DNAH2: variants seen among roughly 807,000 people sequenced by gnomAD.
DNAH2 encodes dynein axonemal heavy chain 2, also known as axonemal beta dynein heavy chain 2.
A neutral mutation model predicts 523.5 loss-of-function variants in DNAH2; 323 were observed. That is an observed-to-expected ratio of 0.62 (90% confidence interval 0.56 to 0.68). The LOEUF is 0.68. DNAH2 is among the 30% of genes least tolerant of loss of function. The pLI is 0.00. For synonymous variants in DNAH2, 2,093 were observed against 2,177.4 expected, an observed-to-expected ratio of 0.96 and a Z score of 1.08; for missense variants, 4,907 against 5,701.5, an observed-to-expected ratio of 0.86 and a Z score of 4.49.
In DNAH2 at chr17:7,759,144, G is replaced by A; in HGVS notation, c.2448+20G>A. The A allele has an allele frequency of 2.5e-6, 4 of 1,611,628 alleles. No individual in the cohort carries two copies. The highest frequency in any genetic ancestry group is 3.4e-6 in the Non-Finnish European group (4 of 1,178,676). On this transcript the variant is annotated intron_variant, in intron 15 of 85. Transcript: ENST00000572933. ...CCTGAGGTAGGGTTCCTGTGGCCAGGATGTTGTGGTTGGAAAAACCACAGT... is the reference window on the plus strand; with the variant it reads ...CCTGAGGTAGGGTTCCTGTGGCCAGAATGTTGTGGTTGGAAAAACCACAGT...
At chr17:7,808,142 A>G (rs1056490008) in intron 63 of DNAH2, among the ~76,000 whole-genome samples, 1 of 152,108 alleles carries the variant, frequency 6.6e-6, no homozygotes, top group African/African-American at 2.4e-5. Context: ...AGGCCGAGGT[A>G]GGTGGACCAC....
At chr17:7,751,116 GTTATTTAT>G (rs141014293) in intron 12 of DNAH2, among the ~76,000 whole-genome samples, 24 of 150,346 alleles carry the variant, frequency 1.6e-4, no homozygotes, top group Non-Finnish European at 2.2e-4. Context: ...AAAAAATCAA[GTTATTTAT>G]TTATTTATTT....
chr17:7,814,909 G>A (rs2077617425), intron 63 of DNAH2, among the ~76,000 whole-genome samples: 1 of 152,222 alleles, frequency 6.6e-6, no homozygotes. Flanking sequence ...TGTGGGAAAG[G>A]TGGTCTAGAT....
At chr17:7,802,601 T>C (rs955435241) in intron 58 of DNAH2, among the ~76,000 whole-genome samples, 3 of 152,212 alleles carry the variant, frequency 2.0e-5, no homozygotes, top group African/African-American at 7.2e-5. Flanking sequence ...TTATACTGTA[T>C]TGTTTAGGGA....
intron 63 of DNAH2, among the ~76,000 whole-genome samples, chr17:7,810,013 C>T (rs1031336857): frequency 6.7e-6 from 1 of 149,490 alleles, no homozygotes; most frequent in African/African-American, 2.5e-5. Context: ...CCTTCCTTCC[C>T]TCCCTCCCTT....
In DNAH2 at chr17:7,786,827, C is replaced by T. The variant is rs2151260618; in HGVS notation, c.6467-70C>T. The T allele has an allele frequency of 6.2e-7, 1 of 1,608,934 alleles. No homozygotes were observed. The highest frequency in any genetic ancestry group is 8.5e-7 in the Non-Finnish European group (1 of 1,176,268). On this transcript the variant is annotated intron_variant, in intron 41 of 85. Transcript: ENST00000572933. The surrounding 1 kb of genome is among the most constrained non-coding windows in gnomAD (Gnocchi z 7.5). Reference sequence around the variant, plus strand: ...TACAAGGGAGTGTAGGCTTGTGTCTCCGAGGAGCGTGAGCGGAGGGTGCAA... The same window carrying T: ...TACAAGGGAGTGTAGGCTTGTGTCTTCGAGGAGCGTGAGCGGAGGGTGCAA...
Position 7,832,613 on chromosome 17 carries a change from C to A in DNAH2, c.12761C>A (p.Thr4254Asn). Residue 4254 changes from threonine (T) to asparagine (N), a missense_variant, in exon 83 of 86, where the codon ACC becomes AAC. This residue lies in a region of DNAH2 where 1,851 missense variants were observed against 2,139.4 expected (regional missense o/e 0.87). Transcript: ENST00000572933. This position sits in a 1 kb window ranked among gnomAD's most constrained non-coding sequence, Gnocchi z 4.3. ...TCACAAAAGCCATTGGCTGCCTGGACCCGGGACTTGGCCATGCGTGTGGAG... is the reference window on the plus strand; with the variant it reads ...TCACAAAAGCCATTGGCTGCCTGGAACCGGGACTTGGCCATGCGTGTGGAG... ...YPSQKPLAAW[T>N]RDLAMRVEQF... is the part of the protein sequence containing the mutation. 1 of 1,614,180 alleles carries A rather than the reference C, an allele frequency of 6.2e-7. No individual in the cohort carries two copies. Among genetic ancestry groups the A allele is most frequent in the Non-Finnish European group, 8.5e-7 (1 of 1,180,038 alleles).
rs753580038 is a variant in DNAH2, at chr17:7,786,663, A to G, written c.6442A>G (p.Ser2148Gly). The change falls in exon 41 of 86, where the codon AGT (serine) becomes GGT (glycine). Residue 2148 changes from serine (S) to glycine (G), a missense_variant. Ser to Gly is a moderately conservative substitution (Grantham distance 56). Coordinates refer to ENST00000572933, the MANE Select transcript of DNAH2 (RefSeq NM_020877.5). The surrounding 1 kb of genome is among the most constrained non-coding windows in gnomAD (Gnocchi z 7.5). The part of the protein sequence containing the change: ...TNEWTDGILS[S>G]VMRTACADEK... The stretch of plus-strand genomic sequence containing the variant: ...TGAATGGACAGATGGCATCTTGTCC[A>G]GTGTCATGCGGACGGCATGTGCAGG... The G allele has an allele frequency of 1.2e-6, 2 of 1,614,042 alleles. No individual in the cohort carries two copies. The highest frequency in any genetic ancestry group is 2.7e-5 in the African/African-American group (2 of 75,034).
intron 24 of DNAH2, among the ~76,000 whole-genome samples, chr17:7,769,142 C>T (rs1306827857): frequency 1.3e-5 from 2 of 152,172 alleles, no homozygotes; most frequent in Non-Finnish European, 2.9e-5. Flanking sequence ...TCTATCATGA[C>T]TAAGTCTTAT....
At chr17:7,764,533 C>T (rs1476226656) in intron 20 of DNAH2, among the ~76,000 whole-genome samples, 2 of 149,964 alleles carry the variant, frequency 1.3e-5, no homozygotes, top group South Asian at 2.1e-4. Context: ...CGATCTTGGC[C>T]TACTGCAACC....
chr17:7,738,077 G>T (rs757053437), intron 8 of DNAH2: 33 of 703,416 alleles, frequency 4.7e-5, no homozygotes, highest in Non-Finnish European at 8.0e-5. Context: ...CTGTTGTCAC[G>T]CTTGGAAAGA....
At chr17:7,818,214 A>G in intron 68 of DNAH2, 98 bp from the exon 69 acceptor site, 2 of 1,595,804 alleles carry the variant, frequency 1.3e-6, no homozygotes, top group South Asian at 1.1e-5. Flanking sequence ...CTGGGGCCTT[A>G]GGACAGGCTG....
rs1478332683 is a variant in DNAH2 at position 7,794,195 on chromosome 17, G to A, written c.7570-59G>A. On this transcript the variant is annotated intron_variant, in intron 48 of 85. Transcript: ENST00000572933. ...CACTCCTTTTCACCTGGCCTGTGTC[G>A]GCGCCTCTCTTGCCCTCTCCCCTCC... The A allele has an allele frequency of 2.2e-5, 28 of 1,283,598 alleles. No individual in the cohort carries two copies. The East Asian group carries it at 3.7e-4, about 17-fold the overall frequency. The allele number at this position is 1,283,598 out of a possible 1,614,324, so 79.5% of individuals were successfully genotyped here. A position where few individuals can be genotyped will look rare whatever the true frequency, so the allele number is the denominator to read the frequency against.
In DNAH2 at chr17:7,832,671, T is replaced by C; in HGVS notation, c.12819T>C (p.Pro4273=). Residue 4273 remains proline (P), a synonymous_variant, in exon 83 of 86, where the codon CCT becomes CCC. Transcript: ENST00000572933. The surrounding 1 kb of genome is among the most constrained non-coding windows in gnomAD (Gnocchi z 4.3). ...QFELWASRAR[P]PVIFWLSGFT... Reference sequence around the variant, plus strand: ...AGCTGTGGGCCAGCCGGGCCCGGCCTCCTGTGATCTTCTGGTTGTCTGGTT... The same window carrying C: ...AGCTGTGGGCCAGCCGGGCCCGGCCCCCTGTGATCTTCTGGTTGTCTGGTT... 6.2e-7 allele frequency: 1 copy of C among 1,614,142 alleles called. No individual in the cohort carries two copies. The highest frequency in any genetic ancestry group is 8.5e-7 in the Non-Finnish European group (1 of 1,180,034).
chr17:7,820,057 C>T lies in DNAH2; in HGVS notation c.11015+649C>T, dbSNP rs1597771698. 2.0e-5 allele frequency among the ~76,000 whole-genome samples: 3 copies of T among 152,290 alleles called. No homozygotes were observed. The East Asian group carries it at 5.8e-4, about 29-fold the overall frequency. On this transcript the variant is annotated intron_variant, in intron 72 of 85. Transcript: ENST00000572933. Reference sequence around the variant, plus strand: ...CTCCTGAGCTCAAGGGATCCTCCTGCCATGGTCTCCCACAGTGTTGGGATT... The same window carrying T: ...CTCCTGAGCTCAAGGGATCCTCCTGTCATGGTCTCCCACAGTGTTGGGATT...
Position 7,765,571 on chromosome 17 carries a change from C to T in DNAH2, c.3511+6C>T, listed in dbSNP as rs2076143690. 6.2e-7 allele frequency: 1 copy of T among 1,609,214 alleles called. No homozygotes were observed. The highest frequency in any genetic ancestry group is 8.5e-7 in the Non-Finnish European group (1 of 1,177,334). On this transcript the variant is annotated splice_donor_region_variant and intron_variant, in intron 21 of 85. Coordinates refer to ENST00000572933, the MANE Select transcript of DNAH2 (RefSeq NM_020877.5). The stretch of plus-strand genomic sequence containing the variant: ...GGAAGATTTCGAATTCAAAGGTACT[C>T]CTTGATCCACCTCTCCCGCTTCTTT...
In DNAH2 at chr17:7,758,235, A is replaced by G. The variant is rs149318887; in HGVS notation, c.2052-260A>G. Reference sequence around the variant, plus strand: ...GCCAAATGTGATGAGTGGGTGCTATATTGGACAGCACACATCGCATTAAGT... The same window carrying G: ...GCCAAATGTGATGAGTGGGTGCTATGTTGGACAGCACACATCGCATTAAGT... On this transcript the variant is annotated intron_variant, in intron 13 of 85. Coordinates refer to ENST00000572933, the MANE Select transcript of DNAH2 (RefSeq NM_020877.5). Among the ~76,000 whole-genome samples the G allele has an allele frequency of 1.2e-3, 188 of 152,326 alleles. 1 individual carries two copies. Among genetic ancestry groups the G allele is most frequent in the African/African-American group, 4.3e-3 (177 of 41,574 alleles).
rs959835588 is a variant in DNAH2, at chr17:7,831,992, C to A, written c.12726+217C>A. 3.3e-5 allele frequency among the ~76,000 whole-genome samples: 5 copies of A among 152,206 alleles called. No homozygotes were observed. Among genetic ancestry groups the A allele is most frequent in the African/African-American group, 1.2e-4 (5 of 41,448 alleles). On this transcript the variant is annotated intron_variant, in intron 82 of 85. Transcript: ENST00000572933. This position sits in a 1 kb window ranked among gnomAD's most constrained non-coding sequence, Gnocchi z 4.2. ...GACTCACTCAGGGAAAATTACTAAC[C>A]TCTCCAAGGATGTTTCAGAGATTCC...
intron 48 of DNAH2, among the ~76,000 whole-genome samples, chr17:7,793,430 G>GCTTTTTCTTTCTTTCTTT (rs2076954463): frequency 7.3e-6 from 1 of 136,168 alleles, no homozygotes; most frequent in Non-Finnish European, 1.6e-5. Context: ...TTGCCTGCTT[G>GCTTTTTCTTTCTTTCTTT]CTTTTTCTTT....
Sources: allele counts gnomAD v4.1 joint callset (sites outside exome capture counted in the v4.1 genomes callset), GRCh38; gene constraint gnomAD v4.1.1; regional missense constraint gnomAD v4.1.1; non-coding constraint Gnocchi (gnomAD v3.1); transcripts MANE v1.5; gene names NCBI Gene and HGNC (gene_info 2026-07-23, HGNC 2026-07-21).